The following PPP1R13L variants were observed in gnomAD, a reference collection of about 807,000 sequenced individuals.
PPP1R13L encodes the protein protein phosphatase 1 regulatory subunit 13 like.
Under a neutral mutation model 80.9 loss-of-function variants are expected in PPP1R13L, and 50 were observed. That is an observed-to-expected ratio of 0.62 (90% CI 0.49 to 0.78). The LOEUF is 0.78. Ranked by LOEUF, PPP1R13L falls within the 30% of genes least tolerant of loss-of-function variation. PPP1R13L has a pLI of 0.00. For missense variants in PPP1R13L, 1,200 were observed against 1,205.9 expected, an observed-to-expected ratio of 1.00 and a Z score of 0.07; for synonymous variants, 602 against 534.3, an observed-to-expected ratio of 1.13 and a Z score of -1.75.
rs560517368 is a variant in PPP1R13L at position 45,396,936 on chromosome 19, G to T, written c.321C>A (p.His107Gln). 3.4e-6 allele frequency: 5 copies of T among 1,463,548 alleles called. No homozygotes were observed. The highest frequency in any genetic ancestry group is 2.9e-5 in the African/African-American group (2 of 68,050). 90.7% of individuals were successfully genotyped at this position (1,463,548 alleles called of 1,614,324 possible). Residue 107 changes from histidine to glutamine, a missense_variant, in exon 4 of 13, where the codon CAC (histidine) becomes CAA (glutamine). This residue lies in a region of PPP1R13L where 764 missense variants were observed against 714.5 expected (regional missense o/e 1.07). Coordinates refer to ENST00000360957, the MANE Select transcript of PPP1R13L (RefSeq NM_006663.4). The surrounding 1 kb of genome is among the most constrained non-coding windows in gnomAD (Gnocchi z 5.3). ...CCTTGGGGGACAGCGGGCTGTAGGGGTGTAGGGTTGGGGCACTCTCTGATC... is the reference window on the plus strand; with the variant it reads ...CCTTGGGGGACAGCGGGCTGTAGGGTTGTAGGGTTGGGGCACTCTCTGATC... Reference protein sequence around the residue: ...FGRSESAPTLHPYSPLSPKGR... With the variant: ...FGRSESAPTLQPYSPLSPKGR...
At chr19:45,381,498 C>T (rs1972761846) in intron 12 of PPP1R13L, among the ~76,000 whole-genome samples, 1 of 152,094 alleles carries the variant, frequency 6.6e-6, no homozygotes, top group Admixed American at 6.6e-5. Context: ...TGTCGCTTCC[C>T]TTGGCTAAAA....
In PPP1R13L at chr19:45,396,180, C is replaced by A. The variant is rs778871541; in HGVS notation, c.891G>T (p.Gly297=). 3 of 1,609,206 alleles carry A rather than the reference C, an allele frequency of 1.9e-6. No homozygotes were observed. The highest frequency in any genetic ancestry group is 2.5e-6 in the Non-Finnish European group (3 of 1,178,744). Residue 297 remains glycine (G), a synonymous_variant, in exon 6 of 13, where the codon GGG becomes GGT. Coordinates refer to ENST00000360957, the MANE Select transcript of PPP1R13L (RefSeq NM_006663.4). The surrounding 1 kb of genome is among the most constrained non-coding windows in gnomAD (Gnocchi z 5.3). ...PWRESSLDGL[G]GTGKDNLTSA... ...GTCGCCTCCTCACCTTGCCGGTGCCCCCCAGTCCATCCAGGCTGCTCTCCC... is the reference window on the plus strand; with the variant it reads ...GTCGCCTCCTCACCTTGCCGGTGCCACCCAGTCCATCCAGGCTGCTCTCCC...
At position 45,397,038 on chromosome 19, in the gene PPP1R13L, G is replaced by T. The variant is rs1438098148; in HGVS notation, c.219C>A (p.Ser73Arg). ...GGCTGCCGAAGGGCTCAGGGATCGA[G>T]CTGGAGCTGTACCGGGGCGGCTGTG... Reference protein sequence around the residue: ...PPSRPPRYSSSSIPEPFGSRG... With the variant: ...PPSRPPRYSSRSIPEPFGSRG... The change falls in exon 4 of 13, where the codon AGC (serine) becomes AGA (arginine). Residue 73 changes from serine (S) to arginine (R), a missense_variant. This residue lies in a region of PPP1R13L where 764 missense variants were observed against 714.5 expected (regional missense o/e 1.07). Transcript: ENST00000360957. The T allele has an allele frequency of 7.4e-7, 1 of 1,346,672 alleles. No individual in the cohort carries two copies. The highest frequency in any genetic ancestry group is 9.5e-7 in the Non-Finnish European group (1 of 1,051,158). The allele number at this position is 1,346,672 out of a possible 1,614,324, so 83.4% of individuals were successfully genotyped here.
At chr19:45,389,194 CT>C (rs1265967604) in intron 8 of PPP1R13L, among the ~76,000 whole-genome samples, 1 of 152,148 alleles carries the variant, frequency 6.6e-6, no homozygotes, top group African/African-American at 2.4e-5. Flanking sequence ...CAATGGGATG[CT>C]CAGCCATTTC....
chr19:45,403,764 C>A (rs1308476481), intron 1 of PPP1R13L, among the ~76,000 whole-genome samples: 2 of 152,122 alleles, frequency 1.3e-5, no homozygotes, highest in African/African-American at 4.8e-5. Flanking sequence ...GCCCTTCAAG[C>A]CCAGACATTG....
At chr19:45,403,292 C>T (rs1973268181) in intron 1 of PPP1R13L, among the ~76,000 whole-genome samples, 1 of 152,132 alleles carries the variant, frequency 6.6e-6, no homozygotes, top group Admixed American at 6.6e-5. Flanking sequence ...GGGGTCCAGA[C>T]TCAATGTAAT....
In PPP1R13L at chr19:45,385,605, G is replaced by A; in HGVS notation, c.2205C>T (p.Asp735=). 1.2e-6 allele frequency: 2 copies of A among 1,613,204 alleles called. No homozygotes were observed. Among genetic ancestry groups the A allele is most frequent in the Middle Eastern group, 3.3e-4 (2 of 6,056 alleles). The part of the protein sequence containing the change: ...SDGATAFEKC[D]PYREGYADCA... ...AGTCAGCATAACCCTCGCGGTAAGG[G>A]TCGCACTTCTCGAAGGCGGTGGCGC... Residue 735 remains aspartate (D), a synonymous_variant, in exon 11 of 13, where the codon GAC becomes GAT. Coordinates refer to ENST00000360957, the MANE Select transcript of PPP1R13L (RefSeq NM_006663.4).
chr19:45,385,779 G>C (rs372333528), intron 10 of PPP1R13L, 45 bp downstream of exon 10: 2 of 1,608,028 alleles, frequency 1.2e-6, no homozygotes, highest in African/African-American at 1.3e-5. Context: ...GAGGCTGCGC[G>C]TCCGCCCACG....
Position 45,400,837 on chromosome 19 carries a change from C to T in PPP1R13L, c.-21-2498G>A, listed in dbSNP as rs1168835745. Among the ~76,000 whole-genome samples the T allele has an allele frequency of 1.2e-3, 39 of 31,210 alleles. 8 individuals carry two copies. Among genetic ancestry groups the T allele is most frequent in the African/African-American group, 2.9e-3 (5 of 1,700 alleles). The allele number at this position is 31,210 out of a possible 152,430, so 20.5% of individuals were successfully genotyped here. A position where few individuals can be genotyped will look rare whatever the true frequency, so the allele number is the denominator to read the frequency against. On this transcript the variant is annotated intron_variant, in intron 1 of 12. Transcript: ENST00000360957. ...TGTCGCCCAGGCTGGAGTTCAGTGG[C>T]GGGATCTCGGCTCACTGCAAGCTCC...
At position 45,379,914 on chromosome 19, in the gene PPP1R13L, C is replaced by G. The variant is rs1376334602; in HGVS notation, c.*276G>C. The G allele has an allele frequency of 1.2e-5, 4 of 347,004 alleles. No homozygotes were observed. Among genetic ancestry groups the G allele is most frequent in the Non-Finnish European group, 2.1e-5 (4 of 187,208 alleles). The allele number at this position is 347,004 out of a possible 1,614,324, so 21.5% of individuals were successfully genotyped here. A position where few individuals can be genotyped will look rare whatever the true frequency, so the allele number is the denominator to read the frequency against. On this transcript the variant is annotated 3_prime_UTR_variant, in exon 13 of 13. Transcript: ENST00000360957. The stretch of plus-strand genomic sequence containing the variant: ...ATGATGGTGGTAGGCATGGGAGGCA[C>G]TTTGGACGGGATCTGATTTGGCAAA...
At chr19:45,388,948 G>A (rs564106727) in intron 8 of PPP1R13L, among the ~76,000 whole-genome samples, 8 of 152,102 alleles carry the variant, frequency 5.3e-5, no homozygotes, top group African/African-American at 1.7e-4. Context: ...ATGTTGGCGA[G>A]GCTAGTCTTG....
Position 45,387,618 on chromosome 19 carries a change from G to A in PPP1R13L, c.1816-1438C>T, listed in dbSNP as rs967765156. ...CGCCCAGGCTGGAGTGCAGTGGTGC[G>A]ATCTCAGCTCACTGCAAGCTCCGCC... On this transcript the variant is annotated intron_variant, in intron 8 of 12. Transcript: ENST00000360957. Among the ~76,000 whole-genome samples, 3 of 151,982 alleles carry A rather than the reference G, an allele frequency of 2.0e-5. No homozygotes were observed. In the South Asian group the frequency reaches 6.2e-4, roughly 32 times the overall value.
chr19:45,403,646 C>A (rs76267002), intron 1 of PPP1R13L, among the ~76,000 whole-genome samples: 2 of 152,172 alleles, frequency 1.3e-5, no homozygotes, highest in Non-Finnish European at 2.9e-5. Context: ...CTAGACAATG[C>A]GAGCTTTCCT....
At chr19:45,384,458 C>T (rs1038196642) in intron 11 of PPP1R13L, among the ~76,000 whole-genome samples, 4 of 151,682 alleles carry the variant, frequency 2.6e-5, no homozygotes, top group African/African-American at 7.3e-5. Context: ...TCGCTTTCAC[C>T]GAGGAGGCAG....
rs6966 is a variant in PPP1R13L, at chr19:45,379,704, T to A, written c.*486A>T. On this transcript the variant is annotated 3_prime_UTR_variant, in exon 13 of 13. Transcript: ENST00000360957. ...ATTTTGTTTATAAACATTAAACCAG[T>A]GCTGTGTGAAGGCACTTAATTGGGG... is the stretch of plus-strand genomic sequence containing the variant. The A allele has an allele frequency of 0.3, 46,942 of 156,236 alleles. 10,171 individuals carry two copies. The highest frequency in any genetic ancestry group is 0.61 in the African/African-American group (25,281 of 41,572). The allele number at this position is 156,236 out of a possible 1,614,324, so 9.7% of individuals were successfully genotyped here.
rs1555780741 is a variant in PPP1R13L, at chr19:45,384,380, A to AAAAG, written c.2248+1181_2248+1182insCTTT. On this transcript the variant is annotated intron_variant, in intron 11 of 12. Transcript: ENST00000360957. The stretch of plus-strand genomic sequence containing the variant: ...TACTAAAAATACAAAAAAAAAAAAA[A>AAAAG]AAAAAGTTAGCGGGCCGTGGGGCCC... Among the ~76,000 whole-genome samples, 332 of 147,768 alleles carry AAAAG rather than the reference A, an allele frequency of 2.2e-3. 6 individuals are homozygous for AAAAG. Among genetic ancestry groups the AAAAG allele is most frequent in the African/African-American group, 7.9e-3 (307 of 38,706 alleles).
chr19:45,400,348 T>C (rs1973206733), intron 1 of PPP1R13L, among the ~76,000 whole-genome samples: 1 of 151,898 alleles, frequency 6.6e-6, no homozygotes, highest in African/African-American at 2.4e-5. Context: ...GCACCATCCC[T>C]ATCCCCATGC....
intron 11 of PPP1R13L, among the ~76,000 whole-genome samples, chr19:45,385,066 G>GC (rs1418306553): frequency 1.3e-5 from 2 of 151,882 alleles, no homozygotes; most frequent in Admixed American, 1.3e-4. Context: ...CCGTGGCACA[G>GC]CCTACTTCGC....
intron 8 of PPP1R13L, among the ~76,000 whole-genome samples, chr19:45,388,990 G>A (rs1215541741): frequency 4.6e-5 from 7 of 151,914 alleles, no homozygotes; most frequent in African/African-American, 1.2e-4. Context: ...CACCCGCCTC[G>A]GCCTCCCAAG....
Sources: gnomAD v4.1 joint callset for allele counts (sites outside exome capture counted in the v4.1 genomes callset) on GRCh38, gnomAD v4.1.1 for gene constraint, gnomAD v4.1.1 regional missense constraint, Gnocchi (gnomAD v3.1) non-coding constraint, MANE v1.5 for transcripts, NCBI Gene and HGNC (gene_info 2026-07-23, HGNC 2026-07-21) for gene names.